The following ADAMTS6 variants were observed in gnomAD, a reference collection of about 807,000 sequenced individuals.
ADAMTS6 encodes A disintegrin and metalloproteinase with thrombospondin motifs 6.
ADAMTS6 carries 23 observed loss-of-function variants against 144.3 expected under a neutral mutation model. That is an observed-to-expected ratio of 0.16 (90% CI 0.11 to 0.23). The LOEUF (loss-of-function observed/expected upper bound fraction) is 0.23. Among genes scored for constraint, ADAMTS6 ranks in the 10% least tolerant of loss-of-function variants. The probability of loss-of-function intolerance (pLI) is 1.00; values close to 1 mark genes in which losing one functional copy is unlikely to be tolerated. For synonymous variants in ADAMTS6, 444 were observed against 457.5 expected (o/e 0.97, Z 0.38); for missense variants, 999 against 1,379.6 (o/e 0.72, Z 4.37).
rs1223951615 is a variant in ADAMTS6, at chr5:65,215,425, T to C, written c.2335A>G (p.Lys779Glu). ...NGAWTIDWPR[K>E]FDVAGTAFHY... is the part of the protein sequence containing the mutation. ...AAAGCTGTCCCAGCAACATCAAATT[T>C]CCTAGGCCAGTCAATAGTCCAGGCA... The change falls in exon 19 of 25, where the codon AAA becomes GAA. Residue 779 changes from lysine (K) to glutamate (E), a missense_variant. Lys to Glu is a moderately conservative substitution (Grantham distance 56, BLOSUM62 1). Transcript: ENST00000381055. 1 of 1,614,094 alleles carries C rather than the reference T, an allele frequency of 6.2e-7. No homozygotes were observed. The highest frequency in any genetic ancestry group is 1.1e-5 in the South Asian group (1 of 91,074).
At chr5:65,344,466 C>G in intron 7 of ADAMTS6, among the ~76,000 whole-genome samples, 1 of 151,902 alleles carries the variant, frequency 6.6e-6, no homozygotes, top group Non-Finnish European at 1.5e-5. Flanking sequence ...GAAAATCTTT[C>G]TAAGTCAGGA....
chr5:65,341,179 A>G (rs1177008064), intron 7 of ADAMTS6, among the ~76,000 whole-genome samples: 1 of 152,078 alleles, frequency 6.6e-6, no homozygotes, highest in East Asian at 1.9e-4. Context: ...GAAACACAAC[A>G]TACCAAAACC....
chr5:65,358,433 T>C (rs1197024003), intron 7 of ADAMTS6, among the ~76,000 whole-genome samples: 1 of 151,924 alleles, frequency 6.6e-6, no homozygotes, highest in East Asian at 1.9e-4. Flanking sequence ...ATCAATATTG[T>C]CAAAATTTCT....
chr5:65,458,846 T>C (rs1248850126), intron 4 of ADAMTS6, among the ~76,000 whole-genome samples: 1 of 152,222 alleles, frequency 6.6e-6, no homozygotes, highest in African/African-American at 2.4e-5. Flanking sequence ...TTTTTGTTAA[T>C]ATAATAACAC....
At chr5:65,307,351 C>G (rs1200459553) in intron 9 of ADAMTS6, among the ~76,000 whole-genome samples, 1 of 152,114 alleles carries the variant, frequency 6.6e-6, no homozygotes, top group Non-Finnish European at 1.5e-5. Flanking sequence ...AGCATATAAA[C>G]AGTCTAACAA....
intron 14 of ADAMTS6, among the ~76,000 whole-genome samples, chr5:65,253,812 CTTTTTTTTTTTTTTTTTT>C (rs759508097): frequency 1.5e-4 from 10 of 66,964 alleles, no homozygotes; most frequent in African/African-American, 2.0e-4. Flanking sequence ...AATATTCAAT[CTTTTTTTTTTTTTTTTTT>C]TTTTTTTTTT....
intron 7 of ADAMTS6, among the ~76,000 whole-genome samples, chr5:65,447,855 T>C (rs1012921619): frequency 8.4e-5 from 12 of 142,586 alleles, no homozygotes; most frequent in African/African-American, 3.2e-4. Context: ...ATATGAAATA[T>C]AATAAACTAT....
chr5:65,208,189 T>G (rs1039261838), intron 20 of ADAMTS6, among the ~76,000 whole-genome samples: 1 of 152,206 alleles, frequency 6.6e-6, no homozygotes, highest in Admixed American at 6.5e-5. Flanking sequence ...CCAGAGGTAC[T>G]TGCATCTGAA....
chr5:65,374,489 T>G (rs1217325755), intron 7 of ADAMTS6, among the ~76,000 whole-genome samples: 1 of 150,414 alleles, frequency 6.6e-6, no homozygotes, highest in African/African-American at 2.5e-5. Context: ...AGCCAAATCA[T>G]GAGTGAACTC....
At position 65,471,015 on chromosome 5, in the gene ADAMTS6, A is replaced by T; in HGVS notation, c.225T>A (p.Pro75=). The T allele has an allele frequency of 6.2e-7, 1 of 1,613,202 alleles. No individual in the cohort carries two copies. Among genetic ancestry groups the T allele is most frequent in the Non-Finnish European group, 8.5e-7 (1 of 1,179,672 alleles). The change falls in exon 3 of 25, where the codon CCT becomes CCA. Residue 75 remains proline, a synonymous_variant. Coordinates refer to ENST00000381055, the MANE Select transcript of ADAMTS6 (RefSeq NM_197941.4). The stretch of plus-strand genomic sequence containing the variant: ...TAGATACTGCCTGCTGTGGATCAAT[A>T]GGGTCCATACTCCGTCTTCTCCTTG... ...KHSRRRRSMD[P]IDPQQAVSKL...
intron 3 of ADAMTS6, among the ~76,000 whole-genome samples, chr5:65,469,725 C>T (rs982419717): frequency 6.6e-6 from 1 of 152,164 alleles, no homozygotes; most frequent in African/African-American, 2.4e-5. Flanking sequence ...TGTTTTCCTC[C>T]ATTGTGTAGT....
At chr5:65,168,624 AC>A in intron 24 of ADAMTS6, among the ~76,000 whole-genome samples, 1 of 124,016 alleles carries the variant, frequency 8.1e-6, no homozygotes, top group South Asian at 3.0e-4. Context: ...ACACTACCTG[AC>A]TTCAAACTAT....
intron 7 of ADAMTS6, among the ~76,000 whole-genome samples, chr5:65,336,043 CAG>C (rs1747273443): frequency 6.6e-6 from 1 of 152,020 alleles, no homozygotes; most frequent in South Asian, 2.1e-4. Context: ...ATGAGAATTT[CAG>C]AGAGGCTGAA....
chr5:65,414,850 C>T (rs1430317360), intron 7 of ADAMTS6, among the ~76,000 whole-genome samples: 2 of 152,006 alleles, frequency 1.3e-5, no homozygotes, highest in Non-Finnish European at 2.9e-5. Flanking sequence ...AACCCAAAGA[C>T]CTAAATGTAA....
chr5:65,291,192 A>G (rs1317543123), intron 11 of ADAMTS6, 137 bp downstream of exon 11: 1 of 972,176 alleles, frequency 1.0e-6, no homozygotes, highest in East Asian at 2.8e-5. Flanking sequence ...GATGTCAGAA[A>G]AACTGCAGTG....
intron 7 of ADAMTS6, among the ~76,000 whole-genome samples, chr5:65,419,791 T>G (rs768021252): frequency 6.6e-6 from 1 of 152,064 alleles, no homozygotes; most frequent in Non-Finnish European, 1.5e-5. Flanking sequence ...AATATGCAAA[T>G]TGATAGAGAA....
chr5:65,443,609 T>G (rs1758036801), intron 7 of ADAMTS6, among the ~76,000 whole-genome samples: 1 of 104,856 alleles, frequency 9.5e-6, no homozygotes, highest in Non-Finnish European at 1.7e-5. Context: ...GGCAACAGAG[T>G]GAGACCCTGT....
chr5:65,291,210 C>T (rs1742266998), intron 11 of ADAMTS6, 119 bp downstream of exon 11: 1 of 1,221,370 alleles, frequency 8.2e-7, no homozygotes, highest in South Asian at 2.0e-5. Flanking sequence ...GTGTCAAAAG[C>T]CATATTTAAA....
chr5:65,474,066 T>C (rs1309814487), intron 1 of ADAMTS6, 114 bp from the exon 2 acceptor site: 1 of 366,058 alleles, frequency 2.7e-6, no homozygotes, highest in Admixed American at 4.5e-5. Flanking sequence ...TATAGTTAAA[T>C]TAGACCATTG....
Sources: allele counts gnomAD v4.1 joint callset (sites outside exome capture counted in the v4.1 genomes callset), GRCh38; gene constraint gnomAD v4.1.1; transcripts MANE v1.5; gene names NCBI Gene and HGNC (gene_info 2026-07-23, HGNC 2026-07-21).